The following ZNF407 variants were observed in gnomAD, a reference collection of about 807,000 sequenced individuals.
ZNF407 encodes zinc finger protein 407.
ZNF407 carries 17 observed loss-of-function variants against 131.2 expected under a neutral mutation model. The observed-to-expected ratio is 0.13, with a 90% CI of 0.09 to 0.19. The LOEUF is 0.19. Ranked by LOEUF, ZNF407 falls within the 10% of genes least tolerant of loss-of-function variation. The pLI is 1.00. For synonymous variants in ZNF407, 1,156 were observed against 1,062.0 expected, an observed-to-expected ratio of 1.09 and a Z score of -1.72; for missense variants, 2,681 against 2,830.6, an observed-to-expected ratio of 0.95 and a Z score of 1.20.
At chr18:74,821,632 G>T (rs2145102781) in intron 4 of ZNF407, among the ~76,000 whole-genome samples, 1 of 152,272 alleles carries the variant, frequency 6.6e-6, no homozygotes, top group Non-Finnish European at 1.5e-5. Flanking sequence ...AGTATTCCAT[G>T]GTGTATATGT....
At chr18:75,013,560 G>A (rs1367834226) in intron 8 of ZNF407, among the ~76,000 whole-genome samples, 1 of 152,152 alleles carries the variant, frequency 6.6e-6, no homozygotes, top group Non-Finnish European at 1.5e-5. Context: ...TTTTGCCCAT[G>A]AAGCAAGGTC....
chr18:74,978,024 T>C (rs541306220), intron 8 of ZNF407, among the ~76,000 whole-genome samples: 30 of 152,372 alleles, frequency 2.0e-4, no homozygotes, highest in Non-Finnish European at 4.1e-4. Flanking sequence ...TCTATTTTTT[T>C]CTGCACTTAT....
intron 8 of ZNF407, among the ~76,000 whole-genome samples, chr18:74,968,275 C>CT (rs1972431702): frequency 6.6e-6 from 1 of 152,162 alleles, no homozygotes; most frequent in South Asian, 2.1e-4. Flanking sequence ...ATTTAGGGAC[C>CT]TTAACTTCCC....
rs774630712 is a variant in ZNF407 at position 74,634,037 on chromosome 18, C to T, written c.3018C>T (p.Tyr1006=). ...ACTTCGCCCAGCCGGGGGATGTGTACTCCCAGAGAGATGTTACAGGCACAG... is the reference window on the plus strand; with the variant it reads ...ACTTCGCCCAGCCGGGGGATGTGTATTCCCAGAGAGATGTTACAGGCACAG... The part of the protein sequence containing the change: ...PEDFAQPGDV[Y]SQRDVTGTGE... Residue 1006 remains tyrosine, a synonymous_variant, in exon 2 of 9, where the codon TAC becomes TAT. Transcript: ENST00000299687. 2.5e-6 allele frequency: 4 copies of T among 1,614,042 alleles called. No homozygotes were observed. Among genetic ancestry groups the T allele is most frequent in the Non-Finnish European group, 2.5e-6 (3 of 1,179,898 alleles).
intron 8 of ZNF407, among the ~76,000 whole-genome samples, chr18:74,948,729 T>C (rs1339385844): frequency 6.6e-6 from 1 of 152,224 alleles, no homozygotes; most frequent in Non-Finnish European, 1.5e-5. Context: ...TAAGAAAATA[T>C]GCTGGGAGTT....
intron 4 of ZNF407, among the ~76,000 whole-genome samples, chr18:74,793,843 A>G (rs1969869935): frequency 6.6e-6 from 1 of 152,156 alleles, no homozygotes; most frequent in Non-Finnish European, 1.5e-5. Context: ...GAAGGCCATG[A>G]GTCAGCACGT....
At chr18:74,622,129 A>T (rs1411327881) in intron 1 of ZNF407, among the ~76,000 whole-genome samples, 1 of 151,888 alleles carries the variant, frequency 6.6e-6, no homozygotes, top group Non-Finnish European at 1.5e-5. Flanking sequence ...TTATGAATGG[A>T]TGTTTCTGCC....
intron 3 of ZNF407, among the ~76,000 whole-genome samples, chr18:74,763,873 C>A (rs1373493584): frequency 6.6e-6 from 1 of 151,080 alleles, no homozygotes; most frequent in Non-Finnish European, 1.5e-5. Context: ...CCACGCCCGG[C>A]TAATTTTTTT....
At chr18:74,886,139 T>C (rs1971305440) in intron 6 of ZNF407, among the ~76,000 whole-genome samples, 1 of 152,106 alleles carries the variant, frequency 6.6e-6, no homozygotes, top group East Asian at 1.9e-4. Flanking sequence ...AACAACCTTT[T>C]AAAAATGAGT....
At chr18:74,788,512 C>T (rs1357039285) in intron 4 of ZNF407, among the ~76,000 whole-genome samples, 1 of 151,132 alleles carries the variant, frequency 6.6e-6, no homozygotes, top group African/African-American at 2.4e-5. Flanking sequence ...CAAGTACTCC[C>T]AAGGAAAGGA....
intron 4 of ZNF407, among the ~76,000 whole-genome samples, chr18:74,831,762 C>T (rs1970487103): frequency 6.6e-6 from 1 of 152,184 alleles, no homozygotes; most frequent in Non-Finnish European, 1.5e-5. Context: ...CCCTGCTGTG[C>T]ATCACCCTGA....
At chr18:74,757,801 A>G (rs1038598611) in intron 3 of ZNF407, among the ~76,000 whole-genome samples, 1 of 151,696 alleles carries the variant, frequency 6.6e-6, no homozygotes, top group Non-Finnish European at 1.5e-5. Context: ...TGTTTTGTTT[A>G]TTTTGGAGGC....
chr18:74,953,798 T>G (rs1352691255), intron 8 of ZNF407, among the ~76,000 whole-genome samples: 1 of 152,238 alleles, frequency 6.6e-6, no homozygotes, highest in African/African-American at 2.4e-5. Flanking sequence ...TACTCCGATG[T>G]CATTGTGTAG....
At chr18:74,954,880 G>A (rs937363747) in intron 8 of ZNF407, among the ~76,000 whole-genome samples, 1 of 152,144 alleles carries the variant, frequency 6.6e-6, no homozygotes, top group Non-Finnish European at 1.5e-5. Context: ...ATTATCAGTA[G>A]GGAAAATAAG....
chr18:75,015,757 A>G (rs1292254674), intron 8 of ZNF407, among the ~76,000 whole-genome samples: 1 of 151,768 alleles, frequency 6.6e-6, no homozygotes, highest in African/African-American at 2.4e-5. Context: ...ACCCTGGCAA[A>G]AAAATAACAC....
chr18:74,997,050 A>T (rs1972787629), intron 8 of ZNF407, among the ~76,000 whole-genome samples: 1 of 152,208 alleles, frequency 6.6e-6, no homozygotes, highest in Non-Finnish European at 1.5e-5. Flanking sequence ...TTAAAGAAAA[A>T]AATCAACGTT....
intron 3 of ZNF407, among the ~76,000 whole-genome samples, chr18:74,724,390 T>C (rs908139344): frequency 1.3e-5 from 2 of 152,162 alleles, no homozygotes; most frequent in Non-Finnish European, 2.9e-5. Context: ...TATTATTAAC[T>C]ATAGTCATTC....
intron 1 of ZNF407, among the ~76,000 whole-genome samples, chr18:74,617,077 A>G (rs1983337793): frequency 1.9e-5 from 2 of 107,910 alleles, no homozygotes; most frequent in East Asian, 2.9e-4. Flanking sequence ...ATATCCACAC[A>G]CATCCATATC....
chr18:74,664,789 T>C (rs896811086), intron 3 of ZNF407, among the ~76,000 whole-genome samples: 1 of 152,114 alleles, frequency 6.6e-6, no homozygotes, highest in Non-Finnish European at 1.5e-5. Flanking sequence ...CATCTGTTTT[T>C]GGCGCTGCGT....
Sources: allele counts gnomAD v4.1 joint callset (sites outside exome capture counted in the v4.1 genomes callset), GRCh38; gene constraint gnomAD v4.1.1; transcripts MANE v1.5; gene names NCBI Gene and HGNC (gene_info 2026-07-23, HGNC 2026-07-21).